ADAM7: variants seen among roughly 807,000 people sequenced by gnomAD.
ADAM7 encodes ADAM metallopeptidase domain 7.
A neutral mutation model predicts 102.9 loss-of-function variants in ADAM7; 97 were observed. The observed-to-expected ratio is 0.94, with a 90% CI of 0.80 to 1.12. ADAM7 has a LOEUF of 1.12. Among genes scored for constraint, ADAM7 ranks in the 50% most tolerant of loss-of-function variants. The pLI is 0.00. For missense variants in ADAM7, 991 were observed against 908.7 expected, an observed-to-expected ratio of 1.09 and a Z score of -1.16; for synonymous variants, 334 against 304.4, an observed-to-expected ratio of 1.10 and a Z score of -1.01.
At chr8:24,487,635 C>CA (rs796115019) in intron 11 of ADAM7, among the ~76,000 whole-genome samples, 1,329 of 102,010 alleles carry the variant, frequency 0.013, 16 homozygotes, top group African/African-American at 0.043. Context: ...AACTCCATCT[C>CA]AAAAAAAAAA....
At position 24,499,279 on chromosome 8, in the gene ADAM7, T is replaced by C. The variant is rs1820664953; in HGVS notation, c.1886T>C (p.Ile629Thr). Residue 629 changes from isoleucine (I) to threonine (T), a missense_variant, in exon 17 of 22, where the codon ATC (isoleucine) becomes ACC (threonine). Physicochemically the swap from Ile to Thr is moderately conservative, Grantham distance 89. Coordinates refer to ENST00000175238, the MANE Select transcript of ADAM7 (RefSeq NM_003817.4). Reference protein sequence around the residue: ...GECLNMEKVYISTNCPSQCNE... With the variant: ...GECLNMEKVYTSTNCPSQCNE... ...TGTCTAAACATGGAAAAGGTCTATA[T>C]CTCAACCAATTGCCCCTCTCAGTGC... 1 of 1,608,454 alleles carries C rather than the reference T, an allele frequency of 6.2e-7. No individual in the cohort carries two copies. The highest frequency in any genetic ancestry group is 1.7e-5 in the Admixed American group (1 of 58,926).
intron 6 of ADAM7, chr8:24,467,377 G>A (rs994892967): frequency 1.3e-5 from 3 of 239,014 alleles, no homozygotes. Context: ...TCATTCAAAT[G>A]TTTTAATGGT....
chr8:24,462,494 TATGCTGTGCCTTCTTCACCTCTC>T (rs1191453011), intron 3 of ADAM7, among the ~76,000 whole-genome samples: 5 of 152,206 alleles, frequency 3.3e-5, no homozygotes, highest in Non-Finnish European at 4.4e-5. Context: ...AACTTCATCT[TATGCTGTGCCTTCTTCACCTCTC>T]ATGCTGTGCC....
At chr8:24,469,626 AG>A (rs1278232999) in intron 7 of ADAM7, among the ~76,000 whole-genome samples, 6 of 152,166 alleles carry the variant, frequency 3.9e-5, no homozygotes, top group African/African-American at 1.4e-4. Context: ...CTTAAAAAAA[AG>A]GAAAATAAGC....
intron 3 of ADAM7, among the ~76,000 whole-genome samples, chr8:24,462,998 C>CA (rs1293679580): frequency 6.6e-6 from 1 of 151,988 alleles, no homozygotes; most frequent in Non-Finnish European, 1.5e-5. Context: ...GCAACAGTAA[C>CA]AAAAAATGAA....
intron 20 of ADAM7, 56 bp from the exon 21 acceptor site, chr8:24,507,424 C>A: frequency 4.3e-6 from 6 of 1,393,106 alleles, no homozygotes; most frequent in Non-Finnish European, 6.1e-6. Context: ...TGTGTGGATG[C>A]CCATGCGTGT....
rs567709882 is a variant in ADAM7, at chr8:24,465,690, C to T, written c.313-9C>T. ...ATACATATAGTAATAGAGTCTTCTT[C>T]TATTTTAGGATCATTGTTTTTACCA... On this transcript the variant is annotated splice_polypyrimidine_tract_variant and intron_variant, in intron 4 of 21. Transcript: ENST00000175238. 6.4e-7 allele frequency: 1 copy of T among 1,568,384 alleles called. No individual in the cohort carries two copies. Among genetic ancestry groups the T allele is most frequent in the Non-Finnish European group, 8.6e-7 (1 of 1,157,204 alleles).
At chr8:24,495,213 G>A (rs1048149555) in intron 16 of ADAM7, among the ~76,000 whole-genome samples, 19 of 152,132 alleles carry the variant, frequency 1.2e-4, no homozygotes, top group African/African-American at 4.3e-4. Context: ...AGTCCCCAGA[G>A]TATCCAGAAT....
chr8:24,508,483 G>A, intron 21 of ADAM7, 63 bp from the exon 22 acceptor site: 1 of 1,528,810 alleles, frequency 6.5e-7, no homozygotes, highest in Non-Finnish European at 9.1e-7. Flanking sequence ...ATGAGTAATG[G>A]AAATACATGG....
At chr8:24,442,323 GC>G (rs1818403026) in intron 1 of ADAM7, 149 bp from the exon 2 acceptor site, 2 of 674,906 alleles carry the variant, frequency 3.0e-6, no homozygotes, top group African/African-American at 3.5e-5. Flanking sequence ...CAATTTCCTT[GC>G]CAGTAAAGTG....
chr8:24,501,397 TA>T, intron 19 of ADAM7, 79 bp from the exon 20 acceptor site: 2 of 1,031,588 alleles, frequency 1.9e-6, no homozygotes, highest in Non-Finnish European at 2.9e-6. Flanking sequence ...TAAAAATTAC[TA>T]AAGCTTACTC....
At chr8:24,494,170 A>G (rs1492404) in intron 16 of ADAM7, among the ~76,000 whole-genome samples, 18,212 of 152,238 alleles carry the variant, frequency 0.12, 1,519 homozygotes, top group African/African-American at 0.24. Flanking sequence ...TGATAGAGAA[A>G]TACATTGGAA....
chr8:24,492,618 A>T, intron 15 of ADAM7, 21 bp downstream of exon 15: 1 of 1,579,022 alleles, frequency 6.3e-7, no homozygotes. Flanking sequence ...TGTGGAAAAA[A>T]AGTAATTTGC....
rs1459429502 is a variant in ADAM7, at chr8:24,508,927, A to T, written c.*381A>T. 1.9e-6 allele frequency: 2 copies of T among 1,043,906 alleles called. No homozygotes were observed. Among genetic ancestry groups the T allele is most frequent in the East Asian group, 1.5e-4 (2 of 13,012 alleles). The allele number at this position is 1,043,906 out of a possible 1,614,324, so 64.7% of individuals were successfully genotyped here. ...AAGAAAACATTGCATATAAAAAGTT[A>T]CTTTTTTGGAAACATAAAAGTACGT... is the stretch of plus-strand genomic sequence containing the variant. On this transcript the variant is annotated 3_prime_UTR_variant, in exon 22 of 22. Coordinates refer to ENST00000175238, the MANE Select transcript of ADAM7 (RefSeq NM_003817.4).
intron 2 of ADAM7, among the ~76,000 whole-genome samples, chr8:24,444,184 A>G (rs536272200): frequency 4.0e-5 from 6 of 150,884 alleles, no homozygotes; most frequent in African/African-American, 1.4e-4. Flanking sequence ...CAAAATAAAT[A>G]ACAGCTTTGT....
intron 15 of ADAM7, among the ~76,000 whole-genome samples, chr8:24,492,816 T>G (rs987050896): frequency 3.3e-5 from 5 of 152,082 alleles, no homozygotes; most frequent in African/African-American, 1.2e-4. Context: ...ACTTGTGAGG[T>G]TCACAGGGAA....
At chr8:24,488,338 G>A (rs1403221823) in intron 11 of ADAM7, among the ~76,000 whole-genome samples, 1 of 152,088 alleles carries the variant, frequency 6.6e-6, no homozygotes, top group Admixed American at 6.6e-5. Flanking sequence ...CCTAAGTTTT[G>A]CACATCTTTG....
intron 20 of ADAM7, among the ~76,000 whole-genome samples, chr8:24,506,935 A>AT (rs1465369221): frequency 1.3e-5 from 2 of 152,128 alleles, no homozygotes; most frequent in African/African-American, 4.8e-5. Flanking sequence ...TATTTTTAAA[A>AT]GCAGCCATTC....
At chr8:24,489,009 T>C in intron 11 of ADAM7, 150 bp from the exon 12 acceptor site, 1 of 628,902 alleles carries the variant, frequency 1.6e-6, no homozygotes, top group Non-Finnish European at 2.5e-6. Context: ...TGAAAAGATA[T>C]TTTCTATAAT....
Sources: allele counts gnomAD v4.1 joint callset (sites outside exome capture counted in the v4.1 genomes callset), GRCh38; gene constraint gnomAD v4.1.1; transcripts MANE v1.5; gene names NCBI Gene and HGNC (gene_info 2026-07-23, HGNC 2026-07-21).